TENM3: variants seen among roughly 807,000 people sequenced by gnomAD.
TENM3 encodes the protein teneurin transmembrane protein 3, also known as teneurin-3.
In TENM3, 63 loss-of-function variants were observed where a neutral mutation model predicts 255.1. That is an observed-to-expected ratio of 0.25 (90% confidence interval 0.20 to 0.30). The LOEUF (loss-of-function observed/expected upper bound fraction) is 0.30, where lower values mean the gene tolerates loss of function less well. Ranked by LOEUF, TENM3 falls within the 10% of genes least tolerant of loss-of-function variation. TENM3 has a pLI of 1.00. For missense variants in TENM3, 2,929 were observed against 3,461.1 expected (o/e 0.85, Z 3.86); for synonymous variants, 1,306 against 1,322.3 (o/e 0.99, Z 0.27).
At chr4:182,771,364 C>T (rs1355538387) in intron 22 of TENM3, among the ~76,000 whole-genome samples, 4 of 152,152 alleles carry the variant, frequency 2.6e-5, no homozygotes, top group African/African-American at 9.7e-5. Context: ...AAATCAGGCA[C>T]TGTGATCTAC....
At chr4:181,894,219 C>T in the TENM3 span, among the ~76,000 whole-genome samples, 1 of 152,138 alleles carries the variant, frequency 6.6e-6, no homozygotes, top group Non-Finnish European at 1.5e-5. Flanking sequence ...TAACACTACC[C>T]TTTAACTTAA....
At chr4:182,762,700 C>G (rs985413276) in intron 22 of TENM3, among the ~76,000 whole-genome samples, 1 of 152,166 alleles carries the variant, frequency 6.6e-6, no homozygotes, top group African/African-American at 2.4e-5. Context: ...AGAGTGGTGT[C>G]AGAATATCTT....
At chr4:181,570,885 G>A in the TENM3 span, among the ~76,000 whole-genome samples, 2 of 152,234 alleles carry the variant, frequency 1.3e-5, no homozygotes, top group Non-Finnish European at 2.9e-5. Context: ...CCTCCGTGAA[G>A]TTCTGACCCT....
At chr4:182,555,609 C>T (rs1259028361) in intron 3 of TENM3, among the ~76,000 whole-genome samples, 4 of 152,076 alleles carry the variant, frequency 2.6e-5, no homozygotes. Flanking sequence ...GTGCTATTAA[C>T]TAAACAGCCT....
the TENM3 span, among the ~76,000 whole-genome samples, chr4:181,675,993 T>C: frequency 6.6e-5 from 10 of 152,122 alleles, no homozygotes; most frequent in Non-Finnish European, 1.3e-4. Context: ...TCAAGTTTCT[T>C]CCTCTACTGA....
At chr4:182,042,630 T>C in the TENM3 span, among the ~76,000 whole-genome samples, 1 of 152,238 alleles carries the variant, frequency 6.6e-6, no homozygotes, top group Non-Finnish European at 1.5e-5. Context: ...AAAATAATTA[T>C]AAAATACGAA....
chr4:182,183,374 T>C (rs1752953809), intron 1 of TENM3, among the ~76,000 whole-genome samples: 1 of 152,170 alleles, frequency 6.6e-6, no homozygotes, highest in African/African-American at 2.4e-5. Flanking sequence ...AAAGGAGTGC[T>C]TGCTTTCATG....
intron 2 of TENM3, 52 bp from the exon 3 acceptor site, chr4:182,346,599 C>T (rs1393334591): frequency 2.5e-5 from 33 of 1,346,316 alleles, no homozygotes; most frequent in Non-Finnish European, 3.1e-5. Context: ...AGAAAAGAAA[C>T]TAACACTGAA....
chr4:182,433,909 G>A (rs1159890896), intron 3 of TENM3, among the ~76,000 whole-genome samples: 2 of 152,164 alleles, frequency 1.3e-5, no homozygotes, highest in African/African-American at 4.8e-5. Context: ...GAGGCCAGGA[G>A]TTTGAGATCA....
the TENM3 span, among the ~76,000 whole-genome samples, chr4:181,579,767 C>A: frequency 1.3e-5 from 2 of 151,978 alleles, no homozygotes; most frequent in Non-Finnish European, 2.9e-5. Flanking sequence ...TTCTGAGTAG[C>A]TTTTTCCTAT....
chr4:182,209,801 G>A (rs908574135), intron 1 of TENM3, among the ~76,000 whole-genome samples: 2 of 152,014 alleles, frequency 1.3e-5, no homozygotes, highest in Non-Finnish European at 2.9e-5. Context: ...GCCCGTGGGG[G>A]TACTGATGGG....
chr4:181,551,218 C>G, the TENM3 span, among the ~76,000 whole-genome samples: 56 of 152,252 alleles, frequency 3.7e-4, no homozygotes, highest in Admixed American at 1.1e-3. Context: ...ATTGAGGAAG[C>G]ATATATTTTG....
chr4:182,393,085 C>T (rs1768549588), intron 3 of TENM3, among the ~76,000 whole-genome samples: 1 of 152,192 alleles, frequency 6.6e-6, no homozygotes, highest in African/African-American at 2.4e-5. Context: ...GATCCATTTC[C>T]ATCACCGTCT....
the TENM3 span, among the ~76,000 whole-genome samples, chr4:182,104,728 G>A: frequency 0.3 from 45,743 of 151,618 alleles, 7,122 homozygotes; most frequent in Non-Finnish European, 0.33. Context: ...TGGCGAGGCT[G>A]GTCTTGAACT....
At chr4:182,617,886 G>C (rs17324576) in intron 4 of TENM3, among the ~76,000 whole-genome samples, 31,220 of 152,050 alleles carry the variant, frequency 0.21, 3,728 homozygotes, top group Non-Finnish European at 0.27. Context: ...TAGTGCCTTT[G>C]TCCCTATACG....
intron 5 of TENM3, among the ~76,000 whole-genome samples, chr4:182,652,451 T>C (rs948460532): frequency 6.6e-6 from 1 of 152,210 alleles, no homozygotes; most frequent in South Asian, 2.1e-4. Context: ...CCAGCTCTCC[T>C]TCATATGCCC....
At chr4:182,321,442 A>G (rs1763046525) in intron 1 of TENM3, among the ~76,000 whole-genome samples, 1 of 152,034 alleles carries the variant, frequency 6.6e-6, no homozygotes, top group Non-Finnish European at 1.5e-5. Flanking sequence ...CCTCACCAAC[A>G]TGGTGAAACC....
chr4:181,459,857 G>T, the TENM3 span, among the ~76,000 whole-genome samples: 1 of 151,806 alleles, frequency 6.6e-6, no homozygotes, highest in Non-Finnish European at 1.5e-5. Context: ...AAAACCTGTT[G>T]AAATTTTTAT....
intron 1 of TENM3, among the ~76,000 whole-genome samples, chr4:182,291,040 C>T (rs7698960): frequency 6.6e-6 from 1 of 151,916 alleles, no homozygotes; most frequent in Non-Finnish European, 1.5e-5. Context: ...AGGCTGGTCT[C>T]GAATGCCTGA....
Sources: allele counts gnomAD v4.1 joint callset (sites outside exome capture counted in the v4.1 genomes callset), GRCh38; gene constraint gnomAD v4.1.1; transcripts MANE v1.5; gene names NCBI Gene and HGNC (gene_info 2026-07-23, HGNC 2026-07-21).